CREB5: variants seen among roughly 807,000 people sequenced by gnomAD.
CREB5 encodes the protein cyclic AMP-responsive element-binding protein 5.
Under a neutral mutation model 57.1 loss-of-function variants are expected in CREB5, and 19 were observed. The observed-to-expected ratio is 0.33, with a 90% confidence interval of 0.23 to 0.49. The LOEUF (loss-of-function observed/expected upper bound fraction) is 0.49, where lower values mean the gene tolerates loss of function less well. Among genes scored for constraint, CREB5 ranks in the 20% least tolerant of loss-of-function variants. CREB5 has a pLI of 0.99. For synonymous variants in CREB5, 238 were observed against 238.3 expected (o/e 1.00, Z 0.01); for missense variants, 579 against 671.6 (o/e 0.86, Z 1.52).
chr7:28,365,290 C>A (rs991423514), intron 1 of CREB5, among the ~76,000 whole-genome samples: 3 of 152,148 alleles, frequency 2.0e-5, no homozygotes, highest in Admixed American at 6.5e-5. Flanking sequence ...TCAATGAACA[C>A]AATGGTACTG....
Position 28,540,580 on chromosome 7 carries a change from C to T in CREB5, c.292-29785C>T, listed in dbSNP as rs535314110. 3.3e-5 allele frequency among the ~76,000 whole-genome samples: 5 copies of T among 152,282 alleles called. No homozygotes were observed. The East Asian group carries it at 7.7e-4, about 24-fold the overall frequency. ...TCCAAATGAATTCTTCTATACCATT[C>T]CATTAGGTAATTATTGTAAGCCTTT... On this transcript the variant is annotated intron_variant, in intron 4 of 10. Transcript: ENST00000357727.
intron 1 of CREB5, among the ~76,000 whole-genome samples, chr7:28,357,311 A>G (rs1786366077): frequency 6.6e-6 from 1 of 152,182 alleles, no homozygotes; most frequent in African/African-American, 2.4e-5. Flanking sequence ...TCAGATTTTT[A>G]CATTTTCATT....
chr7:28,406,639 C>A (rs1213443845), intron 1 of CREB5, among the ~76,000 whole-genome samples: 1 of 152,228 alleles, frequency 6.6e-6, no homozygotes, highest in Non-Finnish European at 1.5e-5. Flanking sequence ...CCCCAGGGGG[C>A]AAATGCCCCA....
chr7:28,514,893 G>A (rs1792880411), intron 4 of CREB5, among the ~76,000 whole-genome samples: 1 of 152,180 alleles, frequency 6.6e-6, no homozygotes. Context: ...CAGAGTAGGA[G>A]GGACTGGAGA....
intron 5 of CREB5, among the ~76,000 whole-genome samples, chr7:28,616,131 T>A (rs75458722): frequency 0.076 from 11,592 of 152,224 alleles, 524 homozygotes; most frequent in Middle Eastern, 0.12. Flanking sequence ...TCTTGTAAAC[T>A]GGTAATTAGG....
chr7:28,424,758 A>G (rs28392777), intron 1 of CREB5, among the ~76,000 whole-genome samples: 35,711 of 152,186 alleles, frequency 0.23, 4,757 homozygotes, highest in South Asian at 0.31. Context: ...ATTTACTGAC[A>G]AGGACAAAAA....
At chr7:28,561,005 CGTGTGTGTGTGCGT>C (rs1177188887) in intron 4 of CREB5, among the ~76,000 whole-genome samples, 2,166 of 26,398 alleles carry the variant, frequency 0.082, 203 homozygotes, top group Middle Eastern at 0.13. Flanking sequence ...CCTGCGTGTG[CGTGTGTGTGTGCGT>C]GTGTGCGTGT....
At chr7:28,795,038 G>C (rs1398231884) in intron 7 of CREB5, among the ~76,000 whole-genome samples, 1 of 152,160 alleles carries the variant, frequency 6.6e-6, no homozygotes, top group African/African-American at 2.4e-5. Flanking sequence ...ACCTGGACTT[G>C]TATGGCTCAC....
At chr7:28,373,985 G>A (rs1786770506) in intron 1 of CREB5, among the ~76,000 whole-genome samples, 1 of 151,784 alleles carries the variant, frequency 6.6e-6, no homozygotes, top group Non-Finnish European at 1.5e-5. Context: ...AGTACCTTAA[G>A]TGAAACGGGG....
chr7:28,752,490 C>T lies in CREB5; in HGVS notation c.702+28158C>T, dbSNP rs73077857. Among the ~76,000 whole-genome samples, 687 of 152,284 alleles carry T rather than the reference C, an allele frequency of 4.5e-3. 7 individuals are homozygous for T. Among genetic ancestry groups the T allele is most frequent in the African/African-American group, 0.016 (652 of 41,550 alleles). ...CCTTCTCTTTGTAATTAATATGTAT[C>T]TCAGAAGAATATTTTGAGACAAGCG... On this transcript the variant is annotated intron_variant, in intron 7 of 10. Transcript: ENST00000357727.
intron 1 of CREB5, among the ~76,000 whole-genome samples, chr7:28,472,758 C>T (rs549314291): frequency 3.3e-5 from 5 of 152,172 alleles, no homozygotes; most frequent in African/African-American, 7.2e-5. Flanking sequence ...GGTACTTCGA[C>T]GATCCAAGGT....
intron 1 of CREB5, among the ~76,000 whole-genome samples, chr7:28,424,886 T>C (rs147468578): frequency 6.6e-6 from 1 of 152,350 alleles, no homozygotes; most frequent in African/African-American, 2.4e-5. Context: ...GTGCTTCCTT[T>C]GCTTTGCACA....
intron 7 of CREB5, among the ~76,000 whole-genome samples, chr7:28,790,428 AAG>A (rs370615013): frequency 0.09 from 10,351 of 115,558 alleles, 298 homozygotes; most frequent in South Asian, 0.12. Flanking sequence ...GAAAGAAAGA[AAG>A]AGAGAGAGAG....
intron 1 of CREB5, among the ~76,000 whole-genome samples, chr7:28,348,253 G>T (rs1181723834): frequency 6.6e-6 from 1 of 152,152 alleles, no homozygotes; most frequent in Non-Finnish European, 1.5e-5. Flanking sequence ...CTCAGGAGCT[G>T]ATGAAAACTG....
At chr7:28,707,910 G>A (rs1366036602) in intron 5 of CREB5, among the ~76,000 whole-genome samples, 3 of 152,176 alleles carry the variant, frequency 2.0e-5, no homozygotes, top group Non-Finnish European at 2.9e-5. Context: ...ATGGGCTAAA[G>A]AAGTCTTATT....
intron 7 of CREB5, among the ~76,000 whole-genome samples, chr7:28,755,030 TTTAAA>T (rs1333286262): frequency 2.6e-5 from 4 of 152,186 alleles, no homozygotes; most frequent in South Asian, 2.1e-4. Flanking sequence ...AGATTGACTC[TTTAAA>T]TTAACCAAAT....
chr7:28,543,449 A>G (rs910825228), intron 4 of CREB5, among the ~76,000 whole-genome samples: 1 of 152,126 alleles, frequency 6.6e-6, no homozygotes, highest in Non-Finnish European at 1.5e-5. Flanking sequence ...TGTTTGCCCA[A>G]TGTCTTTTTA....
At chr7:28,578,606 C>T (rs918205729) in intron 5 of CREB5, among the ~76,000 whole-genome samples, 2 of 152,266 alleles carry the variant, frequency 1.3e-5, no homozygotes, top group African/African-American at 4.8e-5. Context: ...TTCTATAATA[C>T]TATATGTCTC....
chr7:28,434,560 G>C (rs1052950552), intron 1 of CREB5, among the ~76,000 whole-genome samples: 9 of 152,140 alleles, frequency 5.9e-5, no homozygotes, highest in Non-Finnish European at 1.3e-4. Flanking sequence ...AAGACAAAAT[G>C]TTGTATCTCC....
Sources: allele counts gnomAD v4.1 joint callset (sites outside exome capture counted in the v4.1 genomes callset), GRCh38; gene constraint gnomAD v4.1.1; transcripts MANE v1.5; gene names NCBI Gene and HGNC (gene_info 2026-07-23, HGNC 2026-07-21).